Variants in MYO15B observed in about 807,000 individuals in gnomAD.
The protein encoded by MYO15B is myosin XVB pseudogene.
A neutral mutation model predicts 119.3 loss-of-function variants in MYO15B; 207 were observed. The observed-to-expected ratio is 1.73, with a 90% CI of 1.55 to 1.95. The LOEUF (loss-of-function observed/expected upper bound fraction) is 1.95, where lower values mean the gene tolerates loss of function less well. Among genes scored for constraint, MYO15B ranks in the 30% most tolerant of loss-of-function variants. The pLI is 0.00. For synonymous variants in MYO15B, 966 were observed against 498.9 expected (o/e 1.94, Z -12.48); for missense variants, 2,264 against 1,203.1 (o/e 1.88, Z -13.04).
chr17:75,621,585 G>A lies in MYO15B; in HGVS notation c.8005+15G>A. ...CAGCTTCCTGGGTGAGTGGCCACAGGCATCCTGGGTCCCCATGTCTGCAGT... is the reference window on the plus strand; with the variant it reads ...CAGCTTCCTGGGTGAGTGGCCACAGACATCCTGGGTCCCCATGTCTGCAGT... On this transcript the variant is annotated intron_variant, in intron 52 of 63. Transcript: ENST00000645453. The A allele has an allele frequency of 1.4e-6, 1 of 699,980 alleles. No individual in the cohort carries two copies. The allele number at this position is 699,980 out of a possible 1,614,324, so 43.4% of individuals were successfully genotyped here. A position where few individuals can be genotyped will look rare whatever the true frequency, so the allele number is the denominator to read the frequency against.
intron 53 of MYO15B, among the ~76,000 whole-genome samples, chr17:75,622,807 G>C (rs2058784063): frequency 6.6e-6 from 1 of 152,186 alleles, no homozygotes; most frequent in African/African-American, 2.4e-5. Flanking sequence ...TCAAGGAGCA[G>C]GTCTTGGCTG....
Position 75,621,334 on chromosome 17 carries a change from GC to G in MYO15B, c.7872-5del, listed in dbSNP as rs1341161144. ...CAAACAAGCTGGGCTGTCTCCCTCT[GC>G]CCCCCACAGGCTGGGCCAGACTGAT... On this transcript the variant is annotated splice_polypyrimidine_tract_variant and intron_variant, in intron 50 of 63. Transcript: ENST00000645453. 3 of 695,494 alleles carry G rather than the reference GC, an allele frequency of 4.3e-6. No individual in the cohort carries two copies. The highest frequency in any genetic ancestry group is 2.7e-5 in the East Asian group (1 of 37,080). 43.1% of individuals were successfully genotyped at this position (695,494 alleles called of 1,614,324 possible). A position where few individuals can be genotyped will look rare whatever the true frequency, so the allele number is the denominator to read the frequency against.
chr17:75,624,554 A>G (rs1293966687), exon 58 of MYO15B: 1 of 703,054 alleles, frequency 1.4e-6, no homozygotes, highest in South Asian at 1.5e-5. Context: ...TAGCAGCAGA[A>G]GTGCAGGAGG....
chr17:75,599,751 C>T lies in MYO15B; in HGVS notation c.3526-1687C>T, dbSNP rs990724380. Among the ~76,000 whole-genome samples the T allele has an allele frequency of 1.5e-4, 22 of 150,806 alleles. 2 individuals are homozygous for T. Among genetic ancestry groups the T allele is most frequent in the Admixed American group, 1.1e-3 (16 of 15,166 alleles). On this transcript the variant is annotated intron_variant, in intron 14 of 63. Coordinates refer to ENST00000645453, the Ensembl canonical transcript of MYO15B. The stretch of plus-strand genomic sequence containing the variant: ...TCTACTAAAAATACAAAAAATGAGT[C>T]GAGCGTGGTGGCGGGTGCCTGTAGT...
exon 52 of MYO15B, chr17:75,621,541 T>C (rs1438959797): frequency 4.3e-6 from 3 of 701,876 alleles, no homozygotes; most frequent in South Asian, 1.5e-5. Flanking sequence ...AGTGATGATG[T>C]GAGCAAGCTG....
At chr17:75,607,528 G>A (rs1416102271) in intron 21 of MYO15B, among the ~76,000 whole-genome samples, 1 of 151,556 alleles carries the variant, frequency 6.6e-6, no homozygotes, top group African/African-American at 2.4e-5. Flanking sequence ...TCGGCTCACT[G>A]CAACCTCTGC....
chr17:75,620,951 G>A (rs1452405806), intron 49 of MYO15B, 80 bp from the exon 50 acceptor site: 1 of 702,716 alleles, frequency 1.4e-6, no homozygotes, highest in African/African-American at 1.7e-5. Flanking sequence ...GTGTCTGGCT[G>A]GGGAGGGATG....
At chr17:75,602,265 C>G (rs968201912) in intron 15 of MYO15B, 3 of 591,168 alleles carry the variant, frequency 5.1e-6, no homozygotes, top group Non-Finnish European at 9.1e-6. Flanking sequence ...TCTAGTCAAC[C>G]TATTGACTAG....
Position 75,616,297 on chromosome 17 carries a change from T to C in MYO15B, c.6110-15T>C, listed in dbSNP as rs932170288. ...CCAGTATGGGTAACTTTGAAGGCCA[T>C]CTGGACACTTGCAGGGCAGCCACAG... On this transcript the variant is annotated splice_polypyrimidine_tract_variant and intron_variant, in intron 37 of 63. Transcript: ENST00000645453. 6 of 602,010 alleles carry C rather than the reference T, an allele frequency of 1.0e-5. No individual in the cohort carries two copies. Among genetic ancestry groups the C allele is most frequent in the Non-Finnish European group, 1.8e-5 (6 of 338,314 alleles). The allele number at this position is 602,010 out of a possible 1,614,324, so 37.3% of individuals were successfully genotyped here. A position where few individuals can be genotyped will look rare whatever the true frequency, so the allele number is the denominator to read the frequency against.
intron 5 of MYO15B, 119 bp from the exon 6 acceptor site, chr17:75,591,858 G>A (rs547645075): frequency 6.0e-6 from 4 of 667,440 alleles, no homozygotes; most frequent in Non-Finnish European, 1.1e-5. Context: ...CCTGGGGTCA[G>A]CTGCAGGCAC....
Position 75,592,838 on chromosome 17 carries a change from G to GAGGTGGGCTTCTCCTCCTCAT in MYO15B, c.2991+9_2991+10insTCCTCCTCATAGGTGGGCTTC, listed in dbSNP as rs1222607624. On this transcript the variant is annotated stop_gained and inframe_insertion and splice_region_variant, in exon 9 of 64. Coordinates refer to ENST00000645453, the Ensembl canonical transcript of MYO15B. LOFTEE classifies it high-confidence loss of function. Reference sequence around the variant, plus strand: ...GGGCAACATCTGCTTCTCCTCCTCAGAGGTGGGCTTCCCCGTGGGCAGGGG... The same window carrying GAGGTGGGCTTCTCCTCCTCAT: ...GGGCAACATCTGCTTCTCCTCCTCAGAGGTGGGCTTCTCCTCCTCATAGGTGGGCTTCCCCGTGGGCAGGGG... The GAGGTGGGCTTCTCCTCCTCAT allele has an allele frequency of 4.3e-6, 3 of 701,378 alleles. No homozygotes were observed. In the African/African-American group the frequency reaches 5.2e-5, roughly 12 times the overall value. 43.4% of individuals were successfully genotyped at this position (701,378 alleles called of 1,614,324 possible).
chr17:75,611,697 C>T, intron 24 of MYO15B, 39 bp downstream of exon 24: 1 of 702,594 alleles, frequency 1.4e-6, no homozygotes, highest in Non-Finnish European at 2.6e-6. Context: ...GACTCCTTCT[C>T]CAGTCCCTTT....
At chr17:75,612,101 G>A (rs189947637) in intron 25 of MYO15B, 85 bp downstream of exon 25, 16 of 667,416 alleles carry the variant, frequency 2.4e-5, no homozygotes, top group East Asian at 1.4e-4. Context: ...TTTTTTCCCC[G>A]CTGTCAGCTC....
exon 46 of MYO15B, chr17:75,619,794 A>T (rs1386297260): frequency 1.4e-6 from 1 of 702,862 alleles, no homozygotes; most frequent in South Asian, 1.5e-5. Flanking sequence ...TTCTCTGCTC[A>T]TACAGGTGCG....
At chr17:75,616,753 G>A (rs935113549) in exon 39 of MYO15B, 15 of 702,882 alleles carry the variant, frequency 2.1e-5, no homozygotes, top group East Asian at 8.0e-5. Flanking sequence ...AGAGCCGCCC[G>A]GGCCCCGTGC....
chr17:75,605,450 A>AAAAGGGG, intron 19 of MYO15B, 54 bp from the exon 20 acceptor site: 1 of 656,750 alleles, frequency 1.5e-6, no homozygotes, highest in Non-Finnish European at 2.7e-6. Context: ...AAAAAAAAAA[A>AAAAGGGG]AAGTGTAAAA....
chr17:75,600,029 C>CT (rs1012190499), intron 14 of MYO15B, among the ~76,000 whole-genome samples: 346 of 128,288 alleles, frequency 2.7e-3, no homozygotes, highest in Middle Eastern at 9.3e-3. Context: ...TTTCTTTTTT[C>CT]TTTTTTTTTT....
exon 1 of MYO15B, chr17:75,588,402 C>T (rs2056197380): frequency 2.5e-6 from 1 of 398,444 alleles, no homozygotes; most frequent in Admixed American, 4.4e-5. Context: ...AGGGAAGCCT[C>T]TCCGGAGGAG....
Position 75,596,687 on chromosome 17 carries a change from T to G in MYO15B, c.3394-81T>G. 4.5e-6 allele frequency: 3 copies of G among 669,750 alleles called. No homozygotes were observed. The East Asian group carries it at 8.1e-5, about 18-fold the overall frequency. The allele number at this position is 669,750 out of a possible 1,614,324, so 41.5% of individuals were successfully genotyped here. ...CCCTTTCCATGAGGTGTCTCAGTCT[T>G]CTGAGCCTCAATGTACTATTCTATA... On this transcript the variant is annotated intron_variant, in intron 13 of 63. Coordinates refer to ENST00000645453, the Ensembl canonical transcript of MYO15B.
Sources: gnomAD v4.1 joint callset for allele counts (sites outside exome capture counted in the v4.1 genomes callset) on GRCh38, gnomAD v4.1.1 for gene constraint, MANE v1.5 for transcripts, NCBI Gene and HGNC (gene_info 2026-07-23, HGNC 2026-07-21) for gene names.